NEGR1: variants seen among roughly 807,000 people sequenced by gnomAD.
NEGR1 encodes the protein IgLON family member 4.
Under a neutral mutation model 40.9 loss-of-function variants are expected in NEGR1, and 10 were observed. That is an observed-to-expected ratio of 0.24 (90% CI 0.15 to 0.42). The LOEUF is 0.42. Ranked by LOEUF, NEGR1 falls within the 10% of genes least tolerant of loss-of-function variation. The probability of loss-of-function intolerance (pLI) is 1.00; values close to 1 mark genes in which losing one functional copy is unlikely to be tolerated. For synonymous variants in NEGR1, 185 were observed against 166.8 expected (o/e 1.11, Z -0.84); for missense variants, 352 against 438.9 (o/e 0.80, Z 1.77).
At chr1:71,904,321 G>A (rs1354096671) in intron 2 of NEGR1, among the ~76,000 whole-genome samples, 2 of 151,964 alleles carry the variant, frequency 1.3e-5, no homozygotes, top group African/African-American at 2.4e-5. Flanking sequence ...TAACTATTAT[G>A]TGCCAATTCC....
At chr1:72,277,230 C>T (rs745499435) in intron 1 of NEGR1, among the ~76,000 whole-genome samples, 3 of 152,082 alleles carry the variant, frequency 2.0e-5, no homozygotes. Context: ...CACCCGCAGA[C>T]CCCCCTCCAC....
chr1:71,850,210 C>CA (rs1659559405), intron 2 of NEGR1, among the ~76,000 whole-genome samples: 1 of 151,996 alleles, frequency 6.6e-6, no homozygotes. Context: ...GACTGGAGTG[C>CA]AGTGGTTTGA....
rs576020313 is a variant in NEGR1 at position 71,713,184 on chromosome 1, T to A, written c.536-15045A>T. Among the ~76,000 whole-genome samples the A allele has an allele frequency of 1.8e-3, 280 of 152,344 alleles. 2 individuals are homozygous for A. Among genetic ancestry groups the A allele is most frequent in the African/African-American group, 6.6e-3 (273 of 41,588 alleles). ...ACTGAGAAACATTATAAGAAAGGCC[T>A]TATGAAACTTCCTATTCTATTTTTG... On this transcript the variant is annotated intron_variant, in intron 3 of 6. Coordinates refer to ENST00000357731, the MANE Select transcript of NEGR1 (RefSeq NM_173808.3).
intron 1 of NEGR1, among the ~76,000 whole-genome samples, chr1:72,022,260 C>CATATATATATATATATATATAT (rs59160727): frequency 9.0e-6 from 1 of 111,664 alleles, no homozygotes; most frequent in Non-Finnish European, 1.9e-5. Flanking sequence ...AAACAATTTT[C>CATATATATATATATATATATAT]ATATATATAT....
intron 1 of NEGR1, among the ~76,000 whole-genome samples, chr1:72,259,533 G>A (rs1390488069): frequency 1.3e-5 from 2 of 151,966 alleles, no homozygotes; most frequent in African/African-American, 4.8e-5. Flanking sequence ...GTGGTTTTTA[G>A]TATTTAAAAG....
chr1:72,218,363 G>A (rs1312425159), intron 1 of NEGR1, among the ~76,000 whole-genome samples: 1 of 151,574 alleles, frequency 6.6e-6, no homozygotes, highest in African/African-American at 2.4e-5. Flanking sequence ...TTTTATTGAA[G>A]TCAAGTAAGA....
chr1:71,735,726 C>A (rs1655023271), intron 3 of NEGR1, among the ~76,000 whole-genome samples: 1 of 151,692 alleles, frequency 6.6e-6, no homozygotes, highest in Admixed American at 6.6e-5. Flanking sequence ...TAATTACGTG[C>A]AATAGATAAA....
intron 1 of NEGR1, among the ~76,000 whole-genome samples, chr1:72,140,524 C>G (rs1385957571): frequency 6.6e-6 from 1 of 151,900 alleles, no homozygotes; most frequent in Non-Finnish European, 1.5e-5. Context: ...GAAGATGAAG[C>G]CCAGATGACC....
chr1:72,108,693 G>C (rs966578816), intron 1 of NEGR1, among the ~76,000 whole-genome samples: 2 of 151,468 alleles, frequency 1.3e-5, no homozygotes, highest in African/African-American at 4.8e-5. Context: ...GATTATAATA[G>C]ACCTTAGGAA....
chr1:71,582,194 G>T (rs892687481), intron 6 of NEGR1, among the ~76,000 whole-genome samples: 1 of 152,054 alleles, frequency 6.6e-6, no homozygotes, highest in Non-Finnish European at 1.5e-5. Context: ...GAAAATGAAA[G>T]AAGTTTTGTG....
chr1:71,795,213 C>G (rs370988601), intron 2 of NEGR1, among the ~76,000 whole-genome samples: 1 of 151,720 alleles, frequency 6.6e-6, no homozygotes, highest in African/African-American at 2.4e-5. Flanking sequence ...TATTTGAATG[C>G]CCTAGAGGAA....
intron 4 of NEGR1, among the ~76,000 whole-genome samples, chr1:71,625,805 C>A (rs1650755521): frequency 6.6e-6 from 1 of 151,814 alleles, no homozygotes; most frequent in Non-Finnish European, 1.5e-5. Flanking sequence ...GCAATGTCTG[C>A]ATATATTGCT....
At chr1:71,808,533 C>A (rs1012632057) in intron 2 of NEGR1, among the ~76,000 whole-genome samples, 3 of 152,090 alleles carry the variant, frequency 2.0e-5, no homozygotes, top group Non-Finnish European at 2.9e-5. Flanking sequence ...TTCAGGCCTA[C>A]AAGTATATTC....
At chr1:71,825,135 T>G (rs940046770) in intron 2 of NEGR1, among the ~76,000 whole-genome samples, 4 of 151,968 alleles carry the variant, frequency 2.6e-5, no homozygotes, top group African/African-American at 9.7e-5. Flanking sequence ...TTGTTCCATA[T>G]CTCTGTCAAC....
chr1:72,237,730 C>T (rs886125159), intron 1 of NEGR1, among the ~76,000 whole-genome samples: 3 of 151,782 alleles, frequency 2.0e-5, no homozygotes, highest in Middle Eastern at 3.2e-3. Context: ...TTTATTAGAC[C>T]CTTTCTTTGC....
chr1:71,396,385 T>A lies in NEGR1; in HGVS notation c.*11061A>T, dbSNP rs1557511843. 6.6e-6 allele frequency: 1 copy of A among 152,352 alleles called. No individual in the cohort carries two copies. Among genetic ancestry groups the A allele is most frequent in the East Asian group, 1.9e-4 (1 of 5,190 alleles). The allele number at this position is 152,352 out of a possible 1,614,324, so 9.4% of individuals were successfully genotyped here. A position where few individuals can be genotyped will look rare whatever the true frequency, so the allele number is the denominator to read the frequency against. ...ATAAGTGGATGGATTAATGAATGAATGAATGCCACATGAACATTTCAGGTT... is the reference window on the plus strand; with the variant it reads ...ATAAGTGGATGGATTAATGAATGAAAGAATGCCACATGAACATTTCAGGTT... On this transcript the variant is annotated 3_prime_UTR_variant, in exon 7 of 7. Coordinates refer to ENST00000357731, the MANE Select transcript of NEGR1 (RefSeq NM_173808.3).
At chr1:71,551,215 A>G (rs888475556) in intron 6 of NEGR1, among the ~76,000 whole-genome samples, 11 of 151,682 alleles carry the variant, frequency 7.3e-5, no homozygotes, top group Non-Finnish European at 3.0e-5. Flanking sequence ...AAAATATCAG[A>G]TTCCATTAAA....
At chr1:72,152,019 A>G (rs553821327) in intron 1 of NEGR1, among the ~76,000 whole-genome samples, 27 of 151,840 alleles carry the variant, frequency 1.8e-4, no homozygotes, top group Non-Finnish European at 3.4e-4. Context: ...AATTAATAGA[A>G]TAGATTTGAT....
chr1:71,800,198 GT>G (rs1416256637), intron 2 of NEGR1, among the ~76,000 whole-genome samples: 1 of 152,076 alleles, frequency 6.6e-6, no homozygotes, highest in South Asian at 2.1e-4. Flanking sequence ...GGGATTGTTT[GT>G]TTTTTTCTTG....
Sources: allele counts gnomAD v4.1 joint callset (sites outside exome capture counted in the v4.1 genomes callset), GRCh38; gene constraint gnomAD v4.1.1; transcripts MANE v1.5; gene names NCBI Gene and HGNC (gene_info 2026-07-23, HGNC 2026-07-21).